The following PRICKLE2 variants were observed in gnomAD, a reference collection of about 807,000 sequenced individuals.
The protein encoded by PRICKLE2 is prickle planar cell polarity protein 2.
PRICKLE2 carries 21 observed loss-of-function variants against 81.4 expected under a neutral mutation model. That is an observed-to-expected ratio of 0.26 (90% CI 0.18 to 0.37). The LOEUF (loss-of-function observed/expected upper bound fraction) is 0.37, where lower values mean the gene tolerates loss of function less well. Among genes scored for constraint, PRICKLE2 ranks in the 10% least tolerant of loss-of-function variants. The pLI is 1.00. For missense variants in PRICKLE2, 940 were observed against 1,109.0 expected (o/e 0.85, Z 2.16); for synonymous variants, 456 against 421.5 (o/e 1.08, Z -1.00).
chr3:64,220,990 G>A (rs1347729517), intron 1 of PRICKLE2, among the ~76,000 whole-genome samples: 1 of 152,166 alleles, frequency 6.6e-6, no homozygotes, highest in Admixed American at 6.5e-5. Context: ...TAGTCATAAG[G>A]AGGGTTTTCG....
At chr3:64,244,815 C>A (rs1376296400) in intron 2 of PRICKLE2, among the ~76,000 whole-genome samples, 1 of 152,086 alleles carries the variant, frequency 6.6e-6, no homozygotes, top group Middle Eastern at 3.2e-3. Flanking sequence ...CAAAAAAGAG[C>A]AGTATCATTA....
intron 7 of PRICKLE2, among the ~76,000 whole-genome samples, chr3:64,128,502 C>T (rs571802528): frequency 2.1e-3 from 322 of 152,216 alleles, no homozygotes; most frequent in African/African-American, 7.3e-3. Flanking sequence ...AATCCTAACA[C>T]TTTGGGAGCT....
chr3:64,111,797 C>T (rs1240134228), intron 7 of PRICKLE2, among the ~76,000 whole-genome samples: 1 of 152,148 alleles, frequency 6.6e-6, no homozygotes, highest in Admixed American at 6.5e-5. Context: ...CATGAGGGAG[C>T]TTCTAGGTTA....
chr3:64,264,969 G>T (rs1200715166), intron 2 of PRICKLE2, among the ~76,000 whole-genome samples: 1 of 152,126 alleles, frequency 6.6e-6, no homozygotes, highest in Non-Finnish European at 1.5e-5. Context: ...CTTGCAGGGA[G>T]ATCATTCATG....
intron 7 of PRICKLE2, among the ~76,000 whole-genome samples, chr3:64,137,719 G>A (rs558147444): frequency 1.4e-4 from 21 of 152,304 alleles, no homozygotes; most frequent in Admixed American, 1.2e-3. Context: ...TGCCAGGAAA[G>A]CAAAGCAGAA....
At chr3:64,194,129 AC>A (rs2078403687) in intron 2 of PRICKLE2, 1 of 152,214 alleles carries the variant, frequency 6.6e-6, no homozygotes, top group Non-Finnish European at 1.5e-5. Context: ...GGTTTAGAGA[AC>A]AAAAAGCTGA....
intron 7 of PRICKLE2, among the ~76,000 whole-genome samples, chr3:64,144,534 A>G (rs2077412514): frequency 6.6e-6 from 1 of 152,246 alleles, no homozygotes; most frequent in Non-Finnish European, 1.5e-5. Flanking sequence ...AAATGGGGCT[A>G]ACATTATCAC....
At chr3:64,153,112 T>C in intron 6 of PRICKLE2, 70 bp downstream of exon 6, 3 of 1,424,102 alleles carry the variant, frequency 2.1e-6, no homozygotes, top group Middle Eastern at 4.3e-4. Context: ...TCAAAGATAC[T>C]TTAACTACAC....
At chr3:64,248,265 C>T (rs955699259) in intron 2 of PRICKLE2, among the ~76,000 whole-genome samples, 1 of 152,140 alleles carries the variant, frequency 6.6e-6, no homozygotes, top group Non-Finnish European at 1.5e-5. Context: ...TTCAATGCTC[C>T]TTATTCATTT....
intron 7 of PRICKLE2, among the ~76,000 whole-genome samples, chr3:64,132,754 G>A (rs552968922): frequency 1.3e-5 from 2 of 152,206 alleles, no homozygotes; most frequent in Non-Finnish European, 2.9e-5. Flanking sequence ...GGTAGATGGG[G>A]TAGCCCACCA....
chr3:64,111,056 T>C (rs915822045), intron 7 of PRICKLE2, among the ~76,000 whole-genome samples: 12 of 151,746 alleles, frequency 7.9e-5, no homozygotes, highest in African/African-American at 2.9e-4. Context: ...GGTGAAAGCA[T>C]TGGCTTTGGA....
intron 2 of PRICKLE2, among the ~76,000 whole-genome samples, chr3:64,170,713 A>G (rs1221492357): frequency 6.6e-6 from 1 of 150,816 alleles, no homozygotes; most frequent in African/African-American, 2.4e-5. Context: ...TAAAAAAAAA[A>G]AAAAAAAAAA....
chr3:64,147,683 C>T lies in PRICKLE2; in HGVS notation c.807G>A (p.Met269Ile). Residue 269 changes from methionine to isoleucine, a missense_variant, in exon 7 of 8, where the codon ATG becomes ATA. Physicochemically the swap from Met to Ile is conservative, Grantham distance 10. Coordinates refer to ENST00000638394, the MANE Select transcript of PRICKLE2 (RefSeq NM_198859.4). This position sits in a 1 kb window ranked among gnomAD's most constrained non-coding sequence, Gnocchi z 5.0. ...AQHIGIDQGQ[M>I]TYDGQHWHAT... Reference sequence around the variant, plus strand: ...CATGCCAGTGTTGGCCATCATAGGTCATTTGACCTTGGTCGATACCTAAAA... The same window carrying T: ...CATGCCAGTGTTGGCCATCATAGGTTATTTGACCTTGGTCGATACCTAAAA... 1.2e-6 allele frequency: 2 copies of T among 1,613,810 alleles called. No homozygotes were observed. Among genetic ancestry groups the T allele is most frequent in the Non-Finnish European group, 1.7e-6 (2 of 1,180,036 alleles).
chr3:64,252,559 CAAT>C (rs761753055), intron 2 of PRICKLE2, among the ~76,000 whole-genome samples: 6 of 152,182 alleles, frequency 3.9e-5, no homozygotes, highest in Non-Finnish European at 7.3e-5. Context: ...TATTTATGGT[CAAT>C]AGCACTTTTG....
intron 7 of PRICKLE2, among the ~76,000 whole-genome samples, chr3:64,142,473 G>A (rs1262515451): frequency 6.6e-6 from 1 of 152,068 alleles, no homozygotes; most frequent in African/African-American, 2.4e-5. Flanking sequence ...ACCATGCCTG[G>A]CTAATTTCTG....
intron 2 of PRICKLE2, among the ~76,000 whole-genome samples, chr3:64,239,952 CAAAA>C (rs57932723): frequency 2.2e-4 from 7 of 32,246 alleles, no homozygotes; most frequent in South Asian, 3.0e-3. Context: ...CCATCGCTAC[CAAAA>C]AAAAAAAAAA....
intron 7 of PRICKLE2, among the ~76,000 whole-genome samples, chr3:64,126,358 T>C (rs1220392264): frequency 2.0e-5 from 3 of 152,208 alleles, no homozygotes; most frequent in African/African-American, 7.2e-5. Context: ...ATGGCAGGTA[T>C]GAGAAACCAC....
chr3:64,217,511 A>G (rs373580746), intron 1 of PRICKLE2, among the ~76,000 whole-genome samples: 4 of 152,344 alleles, frequency 2.6e-5, no homozygotes, highest in African/African-American at 7.2e-5. Flanking sequence ...GTAAGAACGA[A>G]TAAAATACAG....
chr3:64,155,317 T>A (rs1419594638), intron 5 of PRICKLE2, among the ~76,000 whole-genome samples: 1 of 150,406 alleles, frequency 6.6e-6, no homozygotes, highest in Non-Finnish European at 1.5e-5. Flanking sequence ...GAAATATGAA[T>A]CAAAACCTCA....
Sources: allele counts gnomAD v4.1 joint callset (sites outside exome capture counted in the v4.1 genomes callset), GRCh38; gene constraint gnomAD v4.1.1; non-coding constraint Gnocchi (gnomAD v3.1); transcripts MANE v1.5; gene names NCBI Gene and HGNC (gene_info 2026-07-23, HGNC 2026-07-21).